FBXW8: variants seen among roughly 807,000 people sequenced by gnomAD.
FBXW8 encodes the protein F-box and WD repeat domain containing 8.
Under a neutral mutation model 65.3 loss-of-function variants are expected in FBXW8, and 57 were observed. That is an observed-to-expected ratio of 0.87 (90% CI 0.71 to 1.09). The LOEUF (loss-of-function observed/expected upper bound fraction) is 1.09. Among genes scored for constraint, FBXW8 ranks in the 50% least tolerant of loss-of-function variants. FBXW8 has a pLI of 0.00. For missense variants in FBXW8, 777 were observed against 814.8 expected (o/e 0.95, Z 0.57); for synonymous variants, 308 against 330.2 (o/e 0.93, Z 0.73).
intron 2 of FBXW8, among the ~76,000 whole-genome samples, chr12:116,942,200 T>G (rs1882618117): frequency 6.6e-6 from 1 of 151,868 alleles, no homozygotes; most frequent in South Asian, 2.1e-4. Flanking sequence ...GGCTAATTTT[T>G]TTTTTTTTTG....
At chr12:117,025,753 G>A (rs1341111227) in intron 9 of FBXW8, among the ~76,000 whole-genome samples, 6 of 152,198 alleles carry the variant, frequency 3.9e-5, no homozygotes, top group South Asian at 4.1e-4. Flanking sequence ...TAAAACTCCC[G>A]CACTGAAATT....
intron 9 of FBXW8, among the ~76,000 whole-genome samples, chr12:117,026,674 A>G (rs185184789): frequency 2.6e-4 from 39 of 152,310 alleles, no homozygotes; most frequent in African/African-American, 9.4e-4. Context: ...TGTAGCTTGT[A>G]ACATCGCTCG....
chr12:117,009,502 G>A (rs111450948), intron 7 of FBXW8, among the ~76,000 whole-genome samples: 1 of 152,190 alleles, frequency 6.6e-6, no homozygotes, highest in African/African-American at 2.4e-5. Context: ...TTGTGTGTGT[G>A]TTAATGAGGA....
At chr12:116,974,255 A>G (rs1439750921) in intron 5 of FBXW8, among the ~76,000 whole-genome samples, 1 of 152,194 alleles carries the variant, frequency 6.6e-6, no homozygotes, top group African/African-American at 2.4e-5. Context: ...GCTGAGTCCT[A>G]CTCTGCACAT....
At chr12:116,953,616 C>A (rs1883426248) in intron 4 of FBXW8, among the ~76,000 whole-genome samples, 1 of 150,248 alleles carries the variant, frequency 6.7e-6, no homozygotes. Context: ...CTAAAAAATA[C>A]AAAAAAATTA....
chr12:116,976,964 A>T (rs542345627), intron 5 of FBXW8, among the ~76,000 whole-genome samples: 32 of 152,300 alleles, frequency 2.1e-4, no homozygotes, highest in Admixed American at 1.7e-3. Flanking sequence ...CTCCGTCTCT[A>T]TTGGGCTCTT....
chr12:116,989,002 T>G, intron 7 of FBXW8, 133 bp downstream of exon 7: 1 of 774,968 alleles, frequency 1.3e-6, no homozygotes, highest in Non-Finnish European at 2.1e-6. Flanking sequence ...GTCAAAAAAT[T>G]CAAGAACTTC....
At chr12:116,946,055 A>G (rs1009925457) in intron 3 of FBXW8, among the ~76,000 whole-genome samples, 2 of 152,234 alleles carry the variant, frequency 1.3e-5, no homozygotes, top group African/African-American at 4.8e-5. Context: ...GAATTTGCAC[A>G]GTGAAGTGTT....
At chr12:116,932,644 T>A (rs1263067318) in intron 2 of FBXW8, among the ~76,000 whole-genome samples, 1 of 152,170 alleles carries the variant, frequency 6.6e-6, no homozygotes, top group East Asian at 1.9e-4. Context: ...CAAGCTATTC[T>A]CCTGCCTCAG....
intron 4 of FBXW8, among the ~76,000 whole-genome samples, chr12:116,953,331 G>C (rs1883405373): frequency 6.6e-6 from 1 of 152,226 alleles, no homozygotes; most frequent in South Asian, 2.1e-4. Flanking sequence ...GTGTGCGTGA[G>C]TGGAGCCGCT....
intron 9 of FBXW8, among the ~76,000 whole-genome samples, chr12:117,026,254 A>G (rs1297470330): frequency 4.6e-5 from 7 of 151,304 alleles, no homozygotes; most frequent in African/African-American, 7.3e-5. Flanking sequence ...TCCAGGTCCC[A>G]TGCCAGGTCC....
intron 7 of FBXW8, among the ~76,000 whole-genome samples, chr12:116,990,779 C>A (rs1301412565): frequency 2.0e-5 from 3 of 152,138 alleles, no homozygotes; most frequent in African/African-American, 7.2e-5. Context: ...CTCAAAATTT[C>A]CAACTCAACT....
Position 117,028,278 on chromosome 12 carries a change from A to G in FBXW8, c.*106A>G. ...AGGTGGTAAACATTTAGGGGAAGAA[A>G]GCAGCCCAGGGTGCCATGCCTGACA... On this transcript the variant is annotated 3_prime_UTR_variant, in exon 11 of 11. Transcript: ENST00000652555. The surrounding 1 kb of genome is among the most constrained non-coding windows in gnomAD (Gnocchi z 4.1). 1 of 1,405,898 alleles carries G rather than the reference A, an allele frequency of 7.1e-7. No homozygotes were observed. The allele number at this position is 1,405,898 out of a possible 1,614,324, so 87.1% of individuals were successfully genotyped here.
chr12:116,923,297 A>G (rs1205343016), intron 1 of FBXW8, among the ~76,000 whole-genome samples: 1 of 151,842 alleles, frequency 6.6e-6, no homozygotes, highest in Non-Finnish European at 1.5e-5. Flanking sequence ...TAAATTCCAC[A>G]GGTGATTTTA....
chr12:117,014,194 G>A (rs1037005870), intron 8 of FBXW8, among the ~76,000 whole-genome samples: 5 of 152,078 alleles, frequency 3.3e-5, no homozygotes, highest in African/African-American at 9.7e-5. Flanking sequence ...ACTCTTTCCT[G>A]TGTCATCTCC....
intron 2 of FBXW8, among the ~76,000 whole-genome samples, chr12:116,935,669 T>C (rs1475737828): frequency 6.6e-6 from 1 of 152,228 alleles, no homozygotes; most frequent in Non-Finnish European, 1.5e-5. Context: ...GAAACAAGAA[T>C]GGCAAATGAA....
At chr12:116,955,537 A>G (rs1270801002) in intron 4 of FBXW8, among the ~76,000 whole-genome samples, 1 of 152,206 alleles carries the variant, frequency 6.6e-6, no homozygotes, top group Non-Finnish European at 1.5e-5. Flanking sequence ...CTTGTGTTTT[A>G]GCACAGAGTT....
chr12:117,030,929 G>A lies in FBXW8; in HGVS notation c.*2757G>A, dbSNP rs1954343973. 1 of 152,122 alleles carries A rather than the reference G, an allele frequency of 6.6e-6. No homozygotes were observed. The highest frequency in any genetic ancestry group is 2.4e-5 in the African/African-American group (1 of 41,410). The allele number at this position is 152,122 out of a possible 1,614,324, so 9.4% of individuals were successfully genotyped here. On this transcript the variant is annotated 3_prime_UTR_variant, in exon 11 of 11. Transcript: ENST00000652555. ...CCAGACCCTTTCACAAACAAGTTCT[G>A]AGTTTTTAGCCAATTGATCCTCTAC...
At chr12:117,000,437 G>T (rs978734642) in intron 7 of FBXW8, among the ~76,000 whole-genome samples, 19 of 152,214 alleles carry the variant, frequency 1.2e-4, no homozygotes, top group African/African-American at 4.6e-4. Context: ...AGAGCACAGG[G>T]GTTCTCACAT....
Sources: gnomAD v4.1 joint callset for allele counts (sites outside exome capture counted in the v4.1 genomes callset) on GRCh38, gnomAD v4.1.1 for gene constraint, Gnocchi (gnomAD v3.1) non-coding constraint, MANE v1.5 for transcripts, NCBI Gene and HGNC (gene_info 2026-07-23, HGNC 2026-07-21) for gene names.